Variants in KLHL1 observed in about 807,000 individuals in gnomAD.
KLHL1 encodes the protein kelch-like protein 1.
A neutral mutation model predicts 77.7 loss-of-function variants in KLHL1; 47 were observed. The observed-to-expected ratio is 0.60, with a 90% confidence interval of 0.48 to 0.77. The LOEUF is 0.77. KLHL1 is among the 30% of genes least tolerant of loss of function. The pLI, the probability that KLHL1 is intolerant of heterozygous loss-of-function variation, is 0.00. For synonymous variants in KLHL1, 360 were observed against 325.2 expected (o/e 1.11, Z -1.15); for missense variants, 925 against 910.8 (o/e 1.02, Z -0.20).
chr13:69,868,871 C>A (rs1342892337), intron 5 of KLHL1, among the ~76,000 whole-genome samples: 8 of 151,990 alleles, frequency 5.3e-5, no homozygotes, highest in Non-Finnish European at 1.0e-4. Context: ...AGCCTCAATT[C>A]CTACCTGAAA....
chr13:69,979,894 C>T (rs780254796), intron 1 of KLHL1, among the ~76,000 whole-genome samples: 57 of 152,296 alleles, frequency 3.7e-4, no homozygotes, highest in Middle Eastern at 3.4e-3. Flanking sequence ...CTTTCATACC[C>T]ATGTCTTGAA....
chr13:70,003,336 CA>C (rs1885340040), intron 1 of KLHL1, among the ~76,000 whole-genome samples: 1 of 151,620 alleles, frequency 6.6e-6, no homozygotes, highest in South Asian at 2.1e-4. Flanking sequence ...ACTTTTTTCA[CA>C]TAAGAAGAAG....
chr13:69,719,183 C>T (rs904922710), intron 9 of KLHL1, among the ~76,000 whole-genome samples, 186 bp downstream of exon 9: 3 of 103,802 alleles, frequency 2.9e-5, no homozygotes, highest in African/African-American at 6.2e-5. Flanking sequence ...AAAGAAAGTA[C>T]GTGTGTGTGT....
At chr13:69,774,173 G>C (rs1426564437) in intron 7 of KLHL1, among the ~76,000 whole-genome samples, 1 of 151,674 alleles carries the variant, frequency 6.6e-6, no homozygotes, top group Admixed American at 6.6e-5. Flanking sequence ...GGCCTTTCCA[G>C]TAAAGGAGAA....
At chr13:69,747,286 A>G (rs990717622) in intron 7 of KLHL1, among the ~76,000 whole-genome samples, 1 of 152,038 alleles carries the variant, frequency 6.6e-6, no homozygotes, top group African/African-American at 2.4e-5. Context: ...TAAACATTAG[A>G]TAATGTAATA....
chr13:69,991,242 G>A (rs187697105), intron 1 of KLHL1, among the ~76,000 whole-genome samples: 32 of 151,878 alleles, frequency 2.1e-4, no homozygotes, highest in African/African-American at 7.7e-4. Flanking sequence ...ACAATGAGGA[G>A]AACTAGAAAA....
chr13:69,725,219 G>A (rs1205509534), intron 8 of KLHL1, among the ~76,000 whole-genome samples: 3 of 152,124 alleles, frequency 2.0e-5, no homozygotes, highest in Non-Finnish European at 4.4e-5. Flanking sequence ...CTGAAAATAT[G>A]TTATGAAAAA....
chr13:69,813,751 C>T (rs1406463304), intron 6 of KLHL1, among the ~76,000 whole-genome samples: 1 of 152,080 alleles, frequency 6.6e-6, no homozygotes, highest in African/African-American at 2.4e-5. Flanking sequence ...TCATGGATGA[C>T]ACAAACAAAT....
Position 70,037,372 on chromosome 13 carries a change from C to CT in KLHL1, c.498-61571dup, listed in dbSNP as rs1426723742. The stretch of plus-strand genomic sequence containing the variant: ...AACATATAATTTCAGTATCTCTTGG[C>CT]TTTTGCTGTTGCAGTTGAGAACTCA... On this transcript the variant is annotated intron_variant, in intron 1 of 10. Transcript: ENST00000377844. Among the ~76,000 whole-genome samples, 8 of 152,120 alleles carry CT rather than the reference C, an allele frequency of 5.3e-5. No individual in the cohort carries two copies. In the East Asian group the frequency reaches 9.7e-4, roughly 18 times the overall value.
intron 1 of KLHL1, among the ~76,000 whole-genome samples, chr13:70,013,351 ACTCT>A (rs1885583474): frequency 6.6e-6 from 1 of 152,174 alleles, no homozygotes; most frequent in African/African-American, 2.4e-5. Context: ...TTACATGGCT[ACTCT>A]ACTTGACTGC....
At chr13:69,732,243 CGTAA>C (rs1873581457) in intron 8 of KLHL1, among the ~76,000 whole-genome samples, 1 of 151,960 alleles carries the variant, frequency 6.6e-6, no homozygotes, top group Non-Finnish European at 1.5e-5. Flanking sequence ...GAACCATTAA[CGTAA>C]GTATGTGCTA....
intron 5 of KLHL1, among the ~76,000 whole-genome samples, chr13:69,865,516 A>G (rs962264187): frequency 1.9e-4 from 29 of 152,232 alleles, no homozygotes; most frequent in Non-Finnish European, 1.0e-4. Flanking sequence ...TTGTGTTTTT[A>G]AAAAATTTAC....
chr13:69,718,707 G>A (rs2137892287), intron 9 of KLHL1, among the ~76,000 whole-genome samples: 1 of 152,180 alleles, frequency 6.6e-6, no homozygotes, highest in South Asian at 2.1e-4. Flanking sequence ...AGAGAACTCA[G>A]CGATACCTGT....
intron 7 of KLHL1, among the ~76,000 whole-genome samples, chr13:69,757,507 T>C (rs1874803893): frequency 6.6e-6 from 1 of 152,140 alleles, no homozygotes; most frequent in Admixed American, 6.6e-5. Context: ...CAGATATGAA[T>C]GTTTATTATT....
intron 6 of KLHL1, among the ~76,000 whole-genome samples, chr13:69,819,407 C>CT (rs1878249895): frequency 6.6e-6 from 1 of 152,036 alleles, no homozygotes; most frequent in Non-Finnish European, 1.5e-5. Flanking sequence ...GGAAATTAAG[C>CT]TTTTATTTTA....
intron 7 of KLHL1, among the ~76,000 whole-genome samples, chr13:69,784,763 T>A (rs990046430): frequency 6.6e-6 from 1 of 151,614 alleles, no homozygotes; most frequent in Non-Finnish European, 1.5e-5. Flanking sequence ...ACTGTCAATA[T>A]TAGACAGATC....
chr13:69,915,218 T>C (rs990223913), intron 4 of KLHL1, among the ~76,000 whole-genome samples: 2 of 152,178 alleles, frequency 1.3e-5, no homozygotes, highest in African/African-American at 4.8e-5. Context: ...CCAATGACTT[T>C]CTTCACAGAA....
rs564994046 is a variant in KLHL1, at chr13:69,825,837, C to T, written c.1414+13139G>A. Reference sequence around the variant, plus strand: ...AAATCTGATAACTGAAGTCTGAAGCCAAGTTAGATAGAAATATTGCTGATA... The same window carrying T: ...AAATCTGATAACTGAAGTCTGAAGCTAAGTTAGATAGAAATATTGCTGATA... On this transcript the variant is annotated intron_variant, in intron 6 of 10. Coordinates refer to ENST00000377844, the MANE Select transcript of KLHL1 (RefSeq NM_020866.3). Among the ~76,000 whole-genome samples the T allele has an allele frequency of 3.9e-5, 6 of 152,122 alleles. No homozygotes were observed. In the South Asian group the frequency reaches 1.2e-3, roughly 32 times the overall value.
intron 4 of KLHL1, among the ~76,000 whole-genome samples, chr13:69,935,192 G>T (rs9564634): frequency 1.5e-5 from 2 of 137,544 alleles, no homozygotes; most frequent in African/African-American, 6.4e-5. Context: ...ACTGGTGAAC[G>T]TGGTACATAG....
Sources: gnomAD v4.1 joint callset for allele counts (sites outside exome capture counted in the v4.1 genomes callset) on GRCh38, gnomAD v4.1.1 for gene constraint, MANE v1.5 for transcripts, NCBI Gene and HGNC (gene_info 2026-07-23, HGNC 2026-07-21) for gene names.